The following NFAM1 variants were observed in gnomAD, a reference collection of about 807,000 sequenced individuals.
The protein encoded by NFAM1 is NFAT activation molecule 1.
Under a neutral mutation model 29.0 loss-of-function variants are expected in NFAM1, and 17 were observed. The observed-to-expected ratio is 0.59, with a 90% CI of 0.40 to 0.88. The LOEUF is 0.88. Ranked by LOEUF, NFAM1 falls within the 40% of genes least tolerant of loss-of-function variation. The pLI, the probability that NFAM1 is intolerant of heterozygous loss-of-function variation, is 0.00. For missense variants in NFAM1, 324 were observed against 344.6 expected (o/e 0.94, Z 0.47); for synonymous variants, 175 against 147.2 (o/e 1.19, Z -1.36).
chr22:42,434,799 C>G (rs1930902019), upstream of NFAM1, among the ~76,000 whole-genome samples: 1 of 152,190 alleles, frequency 6.6e-6, no homozygotes, highest in East Asian at 1.9e-4. Flanking sequence ...GCACAGCCTT[C>G]GAGCTAGGCC....
At chr22:42,435,758 C>T (rs983228474), upstream of NFAM1, among the ~76,000 whole-genome samples, 1 of 151,734 alleles carries the variant, frequency 6.6e-6, no homozygotes, top group Admixed American at 6.6e-5. Flanking sequence ...GCTCCCTGTC[C>T]AGGGAGAAAA....
intron 1 of NFAM1, 51 bp from the exon 2 acceptor site, chr22:42,411,787 G>T: frequency 7.6e-7 from 1 of 1,324,068 alleles, no homozygotes; most frequent in Non-Finnish European, 1.1e-6. Context: ...GGCTGCCTCA[G>T]TCCCACCCAC....
At chr22:42,397,713 G>T in intron 4 of NFAM1, 145 bp downstream of exon 4, 3 of 615,724 alleles carry the variant, frequency 4.9e-6, no homozygotes, top group Middle Eastern at 3.5e-4. Flanking sequence ...GGTAAGAATT[G>T]TTATCCCCAT....
At chr22:42,392,256 A>G (rs548519299) in intron 4 of NFAM1, among the ~76,000 whole-genome samples, 183 of 152,228 alleles carry the variant, frequency 1.2e-3, no homozygotes, top group African/African-American at 4.1e-3. Flanking sequence ...GAGGCAGGGG[A>G]GGATCAGGAG....
intron 2 of NFAM1, among the ~76,000 whole-genome samples, chr22:42,410,869 G>A (rs558233480): frequency 3.4e-4 from 52 of 152,194 alleles, no homozygotes; most frequent in African/African-American, 1.2e-3. Flanking sequence ...TGCCAGCGGC[G>A]TTCAGGAGCA....
At position 42,419,806 on chromosome 22, in the gene NFAM1, A is replaced by T. The variant is rs1930374176; in HGVS notation, c.122-8070T>A. Among the ~76,000 whole-genome samples, 2 of 152,126 alleles carry T rather than the reference A, an allele frequency of 1.3e-5. No individual in the cohort carries two copies. Among genetic ancestry groups the T allele is most frequent in the African/African-American group, 4.8e-5 (2 of 41,416 alleles). On this transcript the variant is annotated intron_variant, in intron 1 of 5. Transcript: ENST00000329021. The surrounding 1 kb of genome is among the most constrained non-coding windows in gnomAD (Gnocchi z 4.5). ...TCCTGGGTGTCTGGCTGCCCCGCAC[A>T]GCACAGACTCTCAGGCGTCACTGTT...
chr22:42,398,108 G>T, intron 3 of NFAM1, 152 bp from the exon 4 acceptor site: 1 of 569,138 alleles, frequency 1.8e-6, no homozygotes, highest in East Asian at 3.0e-5. Flanking sequence ...GGGAAACATG[G>T]CAAATGCCTA....
chr22:42,415,294 C>CCTT (rs1930220271), intron 1 of NFAM1, among the ~76,000 whole-genome samples: 1 of 94,832 alleles, frequency 1.1e-5, no homozygotes, highest in African/African-American at 4.5e-5. Context: ...TTCTTTCTTT[C>CCTT]TTTTTTTTTT....
intron 2 of NFAM1, among the ~76,000 whole-genome samples, chr22:42,411,019 C>CTTTTTTTTTT (rs138369373): frequency 6.7e-4 from 81 of 121,694 alleles, no homozygotes; most frequent in Non-Finnish European, 1.0e-3. Flanking sequence ...CTTTTCTTTT[C>CTTTTTTTTTT]TTTTTTTTTT....
chr22:42,396,756 CA>C (rs2147096614), intron 4 of NFAM1, among the ~76,000 whole-genome samples: 1 of 152,364 alleles, frequency 6.6e-6, no homozygotes, highest in African/African-American at 2.4e-5. Flanking sequence ...CACTGCCCCA[CA>C]GGGACATTTC....
At chr22:42,427,682 C>T (rs769596137) in intron 1 of NFAM1, among the ~76,000 whole-genome samples, 10 of 152,214 alleles carry the variant, frequency 6.6e-5, no homozygotes, top group African/African-American at 7.2e-5. Context: ...TCAGCCATAT[C>T]GTGGACTGGA....
At chr22:42,395,804 A>C (rs1929501642) in intron 4 of NFAM1, among the ~76,000 whole-genome samples, 1 of 150,294 alleles carries the variant, frequency 6.7e-6, no homozygotes, top group Admixed American at 6.7e-5. Flanking sequence ...AATGGCATGA[A>C]CCTGGGAGGC....
intron 4 of NFAM1, among the ~76,000 whole-genome samples, chr22:42,395,568 G>A (rs1929491956): frequency 6.6e-6 from 1 of 151,332 alleles, no homozygotes; most frequent in African/African-American, 2.4e-5. Flanking sequence ...ATTCATAGAT[G>A]ACATGACTGG....
intron 1 of NFAM1, among the ~76,000 whole-genome samples, chr22:42,412,369 T>C (rs575188434): frequency 6.6e-6 from 1 of 152,302 alleles, no homozygotes; most frequent in East Asian, 1.9e-4. Flanking sequence ...CCTCTCCTAA[T>C]ATACCCCAAG....
intron 4 of NFAM1, among the ~76,000 whole-genome samples, chr22:42,397,017 G>T (rs1021337303): frequency 6.7e-6 from 1 of 150,362 alleles, no homozygotes; most frequent in African/African-American, 2.5e-5. Flanking sequence ...CGTGGAGTGG[G>T]GAGCCCACCT....
chr22:42,417,028 G>A (rs1046983243), intron 1 of NFAM1, among the ~76,000 whole-genome samples: 5 of 152,094 alleles, frequency 3.3e-5, no homozygotes, highest in East Asian at 1.9e-4. Context: ...ACGCAACACC[G>A]CAAGCACGCA....
At chr22:42,412,527 TCTTCTTCCCAAAGGCCAAGAGGCCAC>T (rs539914105) in intron 1 of NFAM1, among the ~76,000 whole-genome samples, 4 of 152,232 alleles carry the variant, frequency 2.6e-5, no homozygotes, top group African/African-American at 9.6e-5. Flanking sequence ...TCCCAACCCC[TCTTCTTCCCAAAGGCCAAGAGGCCAC>T]CTGGGATCAA....
chr22:42,393,852 G>A (rs1008120166), intron 4 of NFAM1, among the ~76,000 whole-genome samples: 3 of 152,102 alleles, frequency 2.0e-5, no homozygotes, highest in Non-Finnish European at 4.4e-5. Flanking sequence ...AGTGATCAGA[G>A]AGTATGTTCT....
intron 3 of NFAM1, among the ~76,000 whole-genome samples, chr22:42,398,646 T>G (rs953168664): frequency 2.6e-5 from 4 of 152,106 alleles, no homozygotes; most frequent in African/African-American, 9.7e-5. Context: ...ACTCCTGACC[T>G]CAGGTGATCC....
Sources: allele counts gnomAD v4.1 joint callset (sites outside exome capture counted in the v4.1 genomes callset), GRCh38; gene constraint gnomAD v4.1.1; non-coding constraint Gnocchi (gnomAD v3.1); transcripts MANE v1.5; gene names NCBI Gene and HGNC (gene_info 2026-07-23, HGNC 2026-07-21).